Variants in THSD4 observed in about 807,000 individuals in gnomAD.
THSD4 encodes the protein thrombospondin type 1 domain containing 4.
A neutral mutation model predicts 119.0 loss-of-function variants in THSD4; 69 were observed. The observed-to-expected ratio is 0.58, with a 90% CI of 0.48 to 0.71. THSD4 has a LOEUF of 0.71. Among genes scored for constraint, THSD4 ranks in the 30% least tolerant of loss-of-function variants. The pLI, the probability that THSD4 is intolerant of heterozygous loss-of-function variation, is 0.00. For synonymous variants in THSD4, 524 were observed against 540.4 expected, an observed-to-expected ratio of 0.97 and a Z score of 0.42; for missense variants, 1,393 against 1,391.1, an observed-to-expected ratio of 1.00 and a Z score of -0.02.
At chr15:71,699,965 C>T (rs1290109784) in intron 8 of THSD4, among the ~76,000 whole-genome samples, 1 of 152,098 alleles carries the variant, frequency 6.6e-6, no homozygotes, top group East Asian at 1.9e-4. Context: ...AGTAAAATTC[C>T]TTAATTTGAT....
chr15:71,444,353 G>T (rs926992995), intron 7 of THSD4, among the ~76,000 whole-genome samples: 1 of 152,188 alleles, frequency 6.6e-6, no homozygotes, highest in Non-Finnish European at 1.5e-5. Context: ...AAAGCATGGG[G>T]TCCACCTGAA....
Position 71,141,482 on chromosome 15 carries a change from G to T in THSD4, c.-46G>T, listed in dbSNP as rs1260562573. 1 of 1,571,198 alleles carries T rather than the reference G, an allele frequency of 6.4e-7. No homozygotes were observed. Among genetic ancestry groups the T allele is most frequent in the Non-Finnish European group, 8.6e-7 (1 of 1,160,780 alleles). On this transcript the variant is annotated 5_prime_UTR_variant, in exon 2 of 18. Transcript: ENST00000261862. ...CGCAACTCCCAATTGCAGAAAATTG[G>T]CAACGTCTCTGAAGAGCCCTTGCTT...
chr15:71,466,947 C>G (rs1409121931), intron 7 of THSD4, among the ~76,000 whole-genome samples: 3 of 152,222 alleles, frequency 2.0e-5, no homozygotes, highest in African/African-American at 7.2e-5. Context: ...AGGGAGCCTC[C>G]CTATCCAGAC....
chr15:71,157,393 A>G (rs2040789080), intron 3 of THSD4, among the ~76,000 whole-genome samples: 2 of 152,226 alleles, frequency 1.3e-5, no homozygotes, highest in African/African-American at 2.4e-5. Context: ...TGTATTATAT[A>G]ATGATCAAAT....
intron 8 of THSD4, among the ~76,000 whole-genome samples, chr15:71,693,292 C>T (rs971725122): frequency 2.0e-5 from 3 of 152,126 alleles, no homozygotes; most frequent in Non-Finnish European, 4.4e-5. Flanking sequence ...AAAGGAGGTC[C>T]AAGTCTCATG....
chr15:71,715,372 T>C (rs1453481015), intron 8 of THSD4, among the ~76,000 whole-genome samples: 1 of 152,192 alleles, frequency 6.6e-6, no homozygotes, highest in African/African-American at 2.4e-5. Flanking sequence ...CATTTGAAAT[T>C]CCCCTCACAA....
chr15:71,671,683 G>A (rs534067473), intron 8 of THSD4, among the ~76,000 whole-genome samples: 29 of 152,326 alleles, frequency 1.9e-4, no homozygotes, highest in Admixed American at 1.1e-3. Flanking sequence ...AAGGGATCCA[G>A]TTTCAGCTTT....
chr15:71,289,738 T>C (rs1037023567), intron 6 of THSD4, among the ~76,000 whole-genome samples: 1 of 152,182 alleles, frequency 6.6e-6, no homozygotes, highest in African/African-American at 2.4e-5. Flanking sequence ...CTTCCTAGCC[T>C]CACCTGATGC....
Position 71,443,032 on chromosome 15 carries a change from A to G in THSD4, c.1152+31209A>G, listed in dbSNP as rs114002721. 2.1e-3 allele frequency among the ~76,000 whole-genome samples: 323 copies of G among 152,188 alleles called. 1 individual carries two copies. The highest frequency in any genetic ancestry group is 7.5e-3 in the African/African-American group (313 of 41,522). On this transcript the variant is annotated intron_variant, in intron 7 of 17. Transcript: ENST00000261862. The stretch of plus-strand genomic sequence containing the variant: ...GATTAGGTACTTAAGAAATGTTGAA[A>G]GAATTATGAATACACTAAAAATACA...
chr15:71,414,455 G>A (rs756336248), intron 7 of THSD4, among the ~76,000 whole-genome samples: 3 of 152,186 alleles, frequency 2.0e-5, no homozygotes, highest in Admixed American at 6.5e-5. Flanking sequence ...CTGGGAATCC[G>A]CTTTTCTAAC....
intron 7 of THSD4, among the ~76,000 whole-genome samples, chr15:71,417,002 G>A (rs528553709): frequency 1.9e-5 from 2 of 107,044 alleles, no homozygotes; most frequent in South Asian, 2.9e-4. Flanking sequence ...CTCATGATCC[G>A]CCTGCCTCAG....
intron 7 of THSD4, among the ~76,000 whole-genome samples, chr15:71,468,385 T>G (rs2047529437): frequency 6.6e-6 from 1 of 152,188 alleles, no homozygotes; most frequent in African/African-American, 2.4e-5. Flanking sequence ...CTGCACATGC[T>G]CTCTCAGATC....
At chr15:71,334,693 T>C (rs923169765) in intron 6 of THSD4, among the ~76,000 whole-genome samples, 12 of 152,166 alleles carry the variant, frequency 7.9e-5, no homozygotes, top group African/African-American at 2.9e-4. Context: ...GACCCAAGCC[T>C]AGGAGAAGAA....
chr15:71,402,301 C>T (rs2046547390), intron 6 of THSD4, among the ~76,000 whole-genome samples: 1 of 152,016 alleles, frequency 6.6e-6, no homozygotes, highest in Non-Finnish European at 1.5e-5. Context: ...TGGATACACA[C>T]TCCCCATCCT....
chr15:71,600,748 C>CT (rs559657361), intron 7 of THSD4, among the ~76,000 whole-genome samples: 14,528 of 139,534 alleles, frequency 0.1, 699 homozygotes, highest in South Asian at 0.17. Flanking sequence ...TTCTTTCTTT[C>CT]TTTTTTTTTT....
At chr15:71,590,819 C>T (rs756513930) in intron 7 of THSD4, among the ~76,000 whole-genome samples, 51 of 151,638 alleles carry the variant, frequency 3.4e-4, no homozygotes, top group Non-Finnish European at 6.0e-4. Context: ...CTGGCTAACA[C>T]GGTGAAACCC....
At chr15:71,191,045 G>C (rs1292116094) in intron 3 of THSD4, among the ~76,000 whole-genome samples, 1 of 152,126 alleles carries the variant, frequency 6.6e-6, no homozygotes, top group African/African-American at 2.4e-5. Flanking sequence ...ATCCGACTCT[G>C]TTGATCACTC....
intron 7 of THSD4, among the ~76,000 whole-genome samples, chr15:71,419,575 T>G (rs2046788978): frequency 9.2e-6 from 1 of 108,308 alleles, no homozygotes; most frequent in African/African-American, 3.1e-5. Flanking sequence ...CGGTTGTTTG[T>G]TTGAAGTTTT....
At chr15:71,107,323 TAGAAGGAA>T (rs1409641350) in intron 1 of THSD4, among the ~76,000 whole-genome samples, 2 of 149,486 alleles carry the variant, frequency 1.3e-5, no homozygotes, top group Non-Finnish European at 3.0e-5. Flanking sequence ...TACCTGTTTT[TAGAAGGAA>T]GGAAAGAAGG....
Sources: gnomAD v4.1 joint callset for allele counts (sites outside exome capture counted in the v4.1 genomes callset) on GRCh38, gnomAD v4.1.1 for gene constraint, MANE v1.5 for transcripts, NCBI Gene and HGNC (gene_info 2026-07-23, HGNC 2026-07-21) for gene names.